IL1RAPL2: variants seen among roughly 807,000 people sequenced by gnomAD.
The protein encoded by IL1RAPL2 is X-linked interleukin-1 receptor accessory protein-like 2.
Under a neutral mutation model 44.1 loss-of-function variants are expected in IL1RAPL2, and 3 were observed. That is an observed-to-expected ratio of 0.07 (90% CI 0.03 to 0.18). The LOEUF is 0.18. Among genes scored for constraint, IL1RAPL2 ranks in the 10% least tolerant of loss-of-function variants. The probability of loss-of-function intolerance (pLI) is 1.00; values close to 1 mark genes in which losing one functional copy is unlikely to be tolerated. For missense variants in IL1RAPL2, 391 were observed against 496.4 expected (o/e 0.79, Z 2.02); for synonymous variants, 181 against 178.8 (o/e 1.01, Z -0.10).
At chrX:105,386,878 A>G (rs1052068290) in intron 5 of IL1RAPL2, among the ~76,000 whole-genome samples, 6 of 111,683 alleles carry the variant, frequency 5.4e-5, no homozygotes, top group Admixed American at 1.9e-4. Context: ...ATAGAATCTC[A>G]AGGAAAGTGT....
chrX:104,857,706 G>C, intron 2 of IL1RAPL2, among the ~76,000 whole-genome samples: 1 of 111,425 alleles, frequency 9.0e-6, no homozygotes, highest in East Asian at 2.8e-4. Flanking sequence ...TTTAAGAACT[G>C]AGAATAAGTG....
chrX:105,217,830 T>G (rs1297175558), intron 3 of IL1RAPL2, among the ~76,000 whole-genome samples: 1 of 111,737 alleles, frequency 8.9e-6, no homozygotes, highest in Non-Finnish European at 1.9e-5. Flanking sequence ...GCCATCATTC[T>G]CAGCAAATAC....
chrX:104,714,534 T>C (rs775277945), intron 2 of IL1RAPL2, among the ~76,000 whole-genome samples: 2 of 111,301 alleles, frequency 1.8e-5, no homozygotes, highest in East Asian at 5.7e-4. Context: ...GCTGTGATTG[T>C]AAGTTTCTTG....
At chrX:104,900,498 A>AC (rs1923782269) in intron 2 of IL1RAPL2, among the ~76,000 whole-genome samples, 1 of 110,867 alleles carries the variant, frequency 9.0e-6, no homozygotes, top group South Asian at 3.9e-4. Flanking sequence ...ATTAAAAACC[A>AC]ACCCCCAAAC....
intron 5 of IL1RAPL2, among the ~76,000 whole-genome samples, chrX:105,277,271 C>A (rs751092806): frequency 8.9e-6 from 1 of 112,347 alleles, no homozygotes; most frequent in African/African-American, 3.2e-5. Context: ...TAATAAGGAA[C>A]AACCACAGCA....
chrX:104,626,787 C>T (rs1929514454), intron 1 of IL1RAPL2, among the ~76,000 whole-genome samples: 1 of 109,174 alleles, frequency 9.2e-6, no homozygotes, highest in South Asian at 4.0e-4. Flanking sequence ...CATTCTTTTA[C>T]TGAATCTTTG....
At chrX:105,285,974 C>G (rs1382625902) in intron 5 of IL1RAPL2, among the ~76,000 whole-genome samples, 1 of 111,521 alleles carries the variant, frequency 9.0e-6, no homozygotes, top group Non-Finnish European at 1.9e-5. Flanking sequence ...ATATGTATTC[C>G]TTTTTGGTTG....
chrX:105,029,907 G>GA (rs1411982938), intron 2 of IL1RAPL2, among the ~76,000 whole-genome samples: 2 of 111,362 alleles, frequency 1.8e-5, no homozygotes, highest in Non-Finnish European at 3.8e-5. Flanking sequence ...ATCCTCTCCA[G>GA]AACCTGTTGT....
intron 6 of IL1RAPL2, among the ~76,000 whole-genome samples, chrX:105,571,068 A>G (rs2037011425): frequency 8.9e-6 from 1 of 111,794 alleles, no homozygotes; most frequent in South Asian, 3.7e-4. Context: ...TTCAAATCCA[A>G]AAATACAGAA....
At chrX:105,300,354 C>A (rs1426646722) in intron 5 of IL1RAPL2, among the ~76,000 whole-genome samples, 1 of 110,808 alleles carries the variant, frequency 9.0e-6, no homozygotes, top group Non-Finnish European at 1.9e-5. Flanking sequence ...TCTTATATGA[C>A]AGGAGCAGGA....
chrX:105,199,655 T>C (rs1377817664), intron 3 of IL1RAPL2, among the ~76,000 whole-genome samples: 1 of 111,918 alleles, frequency 8.9e-6, no homozygotes, highest in Non-Finnish European at 1.9e-5. Flanking sequence ...CTTTTTTATG[T>C]CTATTTTGGA....
chrX:105,695,531 A>G (rs2038069860), intron 6 of IL1RAPL2, among the ~76,000 whole-genome samples: 1 of 111,696 alleles, frequency 9.0e-6, no homozygotes, highest in African/African-American at 3.3e-5. Context: ...TTTACAGAAA[A>G]TAATCTAAAA....
At chrX:105,026,622 GAAT>G (rs1042199577) in intron 2 of IL1RAPL2, among the ~76,000 whole-genome samples, 13 of 109,945 alleles carry the variant, frequency 1.2e-4, no homozygotes, top group African/African-American at 3.9e-4. Flanking sequence ...AAATACCTAG[GAAT>G]TAACCAAAGA....
At chrX:105,219,105 G>T in intron 3 of IL1RAPL2, 1 of 1,211,266 alleles carries the variant, frequency 8.3e-7, no homozygotes, top group Non-Finnish European at 1.1e-6. Context: ...GAGGTTCGGA[G>T]TATCTCCTGT....
rs184297579 is a variant in IL1RAPL2, at chrX:105,597,351, C to T, written c.772+112964C>T. On this transcript the variant is annotated intron_variant, in intron 6 of 10. Coordinates refer to ENST00000372582, the MANE Select transcript of IL1RAPL2 (RefSeq NM_017416.2). ...TTAGGATGGAGTTTTAGTCCTTTCT[C>T]GCATTGCTGTAAAGAAATACCTGAG... Among the ~76,000 whole-genome samples the T allele has an allele frequency of 1.4e-3, 156 of 111,521 alleles. 1 individual carries two copies. Among genetic ancestry groups the T allele is most frequent in the African/African-American group, 4.7e-3 (144 of 30,689 alleles).
chrX:105,183,953 C>T (rs782660238), intron 2 of IL1RAPL2, among the ~76,000 whole-genome samples: 4 of 111,461 alleles, frequency 3.6e-5, no homozygotes, highest in Admixed American at 9.5e-5. Context: ...TTAGCTAGCA[C>T]CCTCTGTGGA....
At chrX:105,565,694 C>T (rs1193877950) in intron 6 of IL1RAPL2, among the ~76,000 whole-genome samples, 1 of 112,005 alleles carries the variant, frequency 8.9e-6, no homozygotes, top group Non-Finnish European at 1.9e-5. Context: ...GCCCTGTGTA[C>T]CTATGTAGTC....
chrX:104,668,477 TC>T (rs1028963068), intron 2 of IL1RAPL2, among the ~76,000 whole-genome samples: 2 of 51,847 alleles, frequency 3.9e-5, no homozygotes, highest in South Asian at 1.9e-3. Context: ...CCCTCCCCCC[TC>T]CCCCCACCGC....
At chrX:104,943,494 G>T (rs1344289689) in intron 2 of IL1RAPL2, among the ~76,000 whole-genome samples, 2 of 111,621 alleles carry the variant, frequency 1.8e-5, no homozygotes, top group Non-Finnish European at 3.8e-5. Context: ...TGTTTCTCCA[G>T]TTGAAATCTT....
Sources: allele counts gnomAD v4.1 joint callset (sites outside exome capture counted in the v4.1 genomes callset), GRCh38; gene constraint gnomAD v4.1.1; transcripts MANE v1.5; gene names NCBI Gene and HGNC (gene_info 2026-07-23, HGNC 2026-07-21).